The following PPP2R2C variants were observed in gnomAD, a reference collection of about 807,000 sequenced individuals.
The protein encoded by PPP2R2C is protein phosphatase 2, regulatory subunit B, gamma.
In PPP2R2C, 10 loss-of-function variants were observed where a neutral mutation model predicts 45.3. The observed-to-expected ratio is 0.22, with a 90% CI of 0.14 to 0.37. PPP2R2C has a LOEUF of 0.37. Among genes scored for constraint, PPP2R2C ranks in the 10% least tolerant of loss-of-function variants. The probability of loss-of-function intolerance (pLI) is 1.00; values close to 1 mark genes in which losing one functional copy is unlikely to be tolerated. For missense variants in PPP2R2C, 308 were observed against 619.7 expected (o/e 0.50, Z 5.34); for synonymous variants, 257 against 245.4 (o/e 1.05, Z -0.44).
At chr4:6,438,443 C>T (rs976837475) in intron 1 of PPP2R2C, among the ~76,000 whole-genome samples, 12 of 152,124 alleles carry the variant, frequency 7.9e-5, no homozygotes, top group Non-Finnish European at 1.3e-4. Flanking sequence ...GTTTGGTGGA[C>T]GGGTCTCCCT....
chr4:6,532,417 C>A (rs4342255), intron 2 of PPP2R2C, among the ~76,000 whole-genome samples: 133,261 of 152,156 alleles, frequency 0.88, 61,112 homozygotes, highest in East Asian at 1. Flanking sequence ...CATCCCAGAC[C>A]AGACTGGGGC....
intron 2 of PPP2R2C, among the ~76,000 whole-genome samples, chr4:6,504,296 G>A (rs1414804654): frequency 6.6e-6 from 1 of 152,152 alleles, no homozygotes; most frequent in South Asian, 2.1e-4. Flanking sequence ...CTGCAAGGGG[G>A]ACATTTTACA....
At chr4:6,423,349 G>A (rs1209272064) in intron 1 of PPP2R2C, among the ~76,000 whole-genome samples, 1 of 152,132 alleles carries the variant, frequency 6.6e-6, no homozygotes, top group African/African-American at 2.4e-5. Context: ...GACTACAGGT[G>A]CACACCACCA....
At chr4:6,395,374 C>T (rs1009532372) in intron 1 of PPP2R2C, among the ~76,000 whole-genome samples, 1 of 152,178 alleles carries the variant, frequency 6.6e-6, no homozygotes, top group Non-Finnish European at 1.5e-5. Context: ...AAACGGACCC[C>T]GCGGGCATGT....
rs1220977472 is a variant in PPP2R2C, at chr4:6,368,227, C to T, written c.625+4296G>A. Among the ~76,000 whole-genome samples the T allele has an allele frequency of 6.6e-6, 1 of 152,140 alleles. No homozygotes were observed. ...GCTCCGTGTCTACATCCTCACTTGG[C>T]AAAAACCACACCCCTGGCTTACCCT... On this transcript the variant is annotated intron_variant, in intron 5 of 8. Coordinates refer to ENST00000382599, the MANE Select transcript of PPP2R2C (RefSeq NM_020416.4). The surrounding 1 kb of genome is among the most constrained non-coding windows in gnomAD (Gnocchi z 4.2).
intron 1 of PPP2R2C, among the ~76,000 whole-genome samples, chr4:6,410,484 G>A (rs1329435508): frequency 6.6e-6 from 1 of 152,178 alleles, no homozygotes; most frequent in Non-Finnish European, 1.5e-5. Flanking sequence ...TGAGGTCTGG[G>A]ATTTCAGTTC....
intron 5 of PPP2R2C, among the ~76,000 whole-genome samples, chr4:6,365,400 C>T (rs1714206559): frequency 6.6e-6 from 1 of 152,250 alleles, no homozygotes; most frequent in South Asian, 2.1e-4. Context: ...AGGTACCCGA[C>T]AGTGGGTCAT....
In PPP2R2C at chr4:6,472,154, C is replaced by A; in HGVS notation, c.70+6G>T. 6.2e-7 allele frequency: 1 copy of A among 1,613,604 alleles called. No individual in the cohort carries two copies. The highest frequency in any genetic ancestry group is 8.5e-7 in the Non-Finnish European group (1 of 1,179,642). On this transcript the variant is annotated splice_donor_region_variant and intron_variant, in intron 1 of 8. Transcript: ENST00000382599. ...CCGGAGGGGTCTCAGACAACACGTA[C>A]GTTACCTTCAGTCACATAGCTGTGG...
At chr4:6,420,778 C>G (rs933106793) in intron 1 of PPP2R2C, among the ~76,000 whole-genome samples, 1 of 152,162 alleles carries the variant, frequency 6.6e-6, no homozygotes, top group Non-Finnish European at 1.5e-5. Flanking sequence ...GAGTTGGAAA[C>G]CAGACCTCGA....
At chr4:6,421,237 G>A in intron 1 of PPP2R2C, 1 of 607,952 alleles carries the variant, frequency 1.6e-6, no homozygotes, top group Non-Finnish European at 2.1e-6. Context: ...AAGGAGTCAG[G>A]GCTGTGCATT....
At chr4:6,422,191 T>C (rs1473220434) in intron 1 of PPP2R2C, among the ~76,000 whole-genome samples, 1 of 152,170 alleles carries the variant, frequency 6.6e-6, no homozygotes, top group Non-Finnish European at 1.5e-5. Flanking sequence ...CCATAAAATA[T>C]TGACTTTCTA....
intron 2 of PPP2R2C, among the ~76,000 whole-genome samples, chr4:6,498,936 C>T (rs1722960054): frequency 6.6e-6 from 1 of 152,056 alleles, no homozygotes; most frequent in Non-Finnish European, 1.5e-5. Context: ...CTCCCTCTCC[C>T]CTCTCTCTCC....
At chr4:6,464,304 G>A (rs1476822114) in intron 1 of PPP2R2C, among the ~76,000 whole-genome samples, 1 of 152,186 alleles carries the variant, frequency 6.6e-6, no homozygotes, top group South Asian at 2.1e-4. Context: ...TTAATGGTGA[G>A]ATGCCTGTCT....
At chr4:6,531,060 A>G (rs1455727297) in intron 2 of PPP2R2C, among the ~76,000 whole-genome samples, 1 of 152,198 alleles carries the variant, frequency 6.6e-6, no homozygotes, top group South Asian at 2.1e-4. Flanking sequence ...GGCATCCCCA[A>G]GAAAGATCAC....
At chr4:6,475,771 T>C (rs549505599), upstream of PPP2R2C, among the ~76,000 whole-genome samples, 17 of 152,214 alleles carry the variant, frequency 1.1e-4, no homozygotes, top group African/African-American at 4.1e-4. Context: ...CTTGTTGTAA[T>C]TGACAGAGAG....
intron 1 of PPP2R2C, among the ~76,000 whole-genome samples, chr4:6,466,271 C>T (rs1721589870): frequency 6.6e-6 from 1 of 152,160 alleles, no homozygotes. Context: ...CCCAGGCTCC[C>T]CCGTCCCATC....
intron 1 of PPP2R2C, chr4:6,381,677 C>T (rs942624927): frequency 2.4e-5 from 36 of 1,517,374 alleles, no homozygotes; most frequent in South Asian, 6.6e-5. Flanking sequence ...CTCGCAGAAG[C>T]GAAGCTCAGC....
At chr4:6,554,275 G>A (rs1725286486) in intron 1 of PPP2R2C, among the ~76,000 whole-genome samples, 2 of 152,178 alleles carry the variant, frequency 1.3e-5, no homozygotes, top group East Asian at 3.9e-4. Context: ...CAGGCACAGG[G>A]AGAAAGGCAG....
intron 1 of PPP2R2C, among the ~76,000 whole-genome samples, chr4:6,553,063 G>T (rs944470984): frequency 6.6e-6 from 1 of 152,226 alleles, no homozygotes; most frequent in Non-Finnish European, 1.5e-5. Flanking sequence ...GGGACTAAGG[G>T]CAAGGACAGG....
Sources: allele counts gnomAD v4.1 joint callset (sites outside exome capture counted in the v4.1 genomes callset), GRCh38; gene constraint gnomAD v4.1.1; non-coding constraint Gnocchi (gnomAD v3.1); transcripts MANE v1.5; gene names NCBI Gene and HGNC (gene_info 2026-07-23, HGNC 2026-07-21).